Variants in ZNF451 observed in about 807,000 individuals in gnomAD.
ZNF451 encodes E3 SUMO-protein ligase ZNF451.
Under a neutral mutation model 107.1 loss-of-function variants are expected in ZNF451, and 80 were observed. The ratio of observed to expected loss-of-function variants is 0.75; its 90% confidence interval spans 0.62 to 0.90. The LOEUF (loss-of-function observed/expected upper bound fraction) is 0.90. Among genes scored for constraint, ZNF451 ranks in the 40% least tolerant of loss-of-function variants. The pLI is 0.00. For missense variants in ZNF451, 1,107 were observed against 1,236.2 expected (o/e 0.90, Z 1.57); for synonymous variants, 362 against 406.5 (o/e 0.89, Z 1.32).
At chr6:57,126,897 A>G (rs1830955531) in intron 4 of ZNF451, among the ~76,000 whole-genome samples, 1 of 152,216 alleles carries the variant, frequency 6.6e-6, no homozygotes, top group Non-Finnish European at 1.5e-5. Context: ...AGAGAACTTG[A>G]AAAAAAGATG....
At chr6:57,101,862 T>A (rs1251222981) in intron 3 of ZNF451, 6 of 1,550,462 alleles carry the variant, frequency 3.9e-6, no homozygotes, top group Non-Finnish European at 5.2e-6. Flanking sequence ...TTGATGGTAC[T>A]TCCCTTTTTG....
intron 2 of ZNF451, among the ~76,000 whole-genome samples, chr6:57,094,433 C>G (rs780411140): frequency 1.3e-5 from 2 of 152,112 alleles, no homozygotes; most frequent in Admixed American, 1.3e-4. Flanking sequence ...CCCAGCCTTC[C>G]GAGTAGCTGG....
rs575358123 is a variant in ZNF451 at position 57,123,108 on chromosome 6, C to T, written c.187-1626C>T. ...GCTTGAGCCTGGCAGGTCAGGGCTG[C>T]GGTGAGTCATGATTGTGTCACAGCA... is the stretch of plus-strand genomic sequence containing the variant. On this transcript the variant is annotated intron_variant, in intron 3 of 14. Coordinates refer to ENST00000370706, the MANE Select transcript of ZNF451 (RefSeq NM_001031623.3). Among the ~76,000 whole-genome samples the T allele has an allele frequency of 3.3e-5, 5 of 152,174 alleles. No individual in the cohort carries two copies. In the East Asian group the frequency reaches 5.8e-4, roughly 18 times the overall value.
chr6:57,114,287 T>C (rs1006651994), intron 3 of ZNF451, among the ~76,000 whole-genome samples: 3 of 152,218 alleles, frequency 2.0e-5, no homozygotes, highest in African/African-American at 7.2e-5. Flanking sequence ...GCATATATTT[T>C]TAAGTTTCAA....
At position 57,161,164 on chromosome 6, in the gene ZNF451, G is replaced by A; in HGVS notation, c.3139+12G>A. ...TATATCCACAGAAGGTAACCTAATA[G>A]AGTTAATCTCTTTTCTACTTGACTG... On this transcript the variant is annotated intron_variant, in intron 14 of 14. Coordinates refer to ENST00000370706, the MANE Select transcript of ZNF451 (RefSeq NM_001031623.3). 1 of 1,438,130 alleles carries A rather than the reference G, an allele frequency of 7.0e-7. No homozygotes were observed. The highest frequency in any genetic ancestry group is 1.5e-5 in the South Asian group (1 of 64,592). The allele number at this position is 1,438,130 out of a possible 1,614,324, so 89.1% of individuals were successfully genotyped here. A position where few individuals can be genotyped will look rare whatever the true frequency, so the allele number is the denominator to read the frequency against.
intron 5 of ZNF451, 117 bp downstream of exon 5, chr6:57,128,957 G>A (rs1164101223): frequency 1.5e-6 from 1 of 667,052 alleles, no homozygotes. Flanking sequence ...TTGTTTCAGT[G>A]ATACTAATAT....
intron 14 of ZNF451, among the ~76,000 whole-genome samples, chr6:57,166,358 C>A (rs1763897219): frequency 6.6e-6 from 1 of 152,058 alleles, no homozygotes; most frequent in Non-Finnish European, 1.5e-5. Context: ...TTTTTTTCTT[C>A]AGTAATCAGT....
At chr6:57,113,466 G>A (rs1022162689) in intron 3 of ZNF451, among the ~76,000 whole-genome samples, 2 of 151,870 alleles carry the variant, frequency 1.3e-5, no homozygotes, top group South Asian at 4.2e-4. Context: ...GTTAATATTT[G>A]CAAACATTTA....
chr6:57,141,936 T>C lies in ZNF451; in HGVS notation c.857-12T>C, dbSNP rs1468204976. On this transcript the variant is annotated splice_polypyrimidine_tract_variant and intron_variant, in intron 8 of 14. Coordinates refer to ENST00000370706, the MANE Select transcript of ZNF451 (RefSeq NM_001031623.3). The stretch of plus-strand genomic sequence containing the variant: ...AATAACTTTGCAAATTATAGTTTAT[T>C]TTGTCTTTCAGATAACAAAGGAATT... 2 of 1,610,260 alleles carry C rather than the reference T, an allele frequency of 1.2e-6. No individual in the cohort carries two copies. The highest frequency in any genetic ancestry group is 1.7e-6 in the Non-Finnish European group (2 of 1,177,538).
chr6:57,098,785 G>A (rs889715813), intron 2 of ZNF451, among the ~76,000 whole-genome samples: 1 of 152,142 alleles, frequency 6.6e-6, no homozygotes, highest in Admixed American at 6.5e-5. Context: ...TTGTAGCACT[G>A]TTCTTATATT....
At chr6:57,133,455 T>A (rs933188530) in intron 6 of ZNF451, among the ~76,000 whole-genome samples, 1 of 152,202 alleles carries the variant, frequency 6.6e-6, no homozygotes, top group Non-Finnish European at 1.5e-5. Flanking sequence ...CTAAACAGAC[T>A]TTCTCCATCA....
intron 5 of ZNF451, among the ~76,000 whole-genome samples, chr6:57,130,140 C>T (rs1189946051): frequency 6.6e-6 from 1 of 152,102 alleles, no homozygotes; most frequent in Non-Finnish European, 1.5e-5. Context: ...TAGAGATACT[C>T]AATAAATGTT....
At chr6:57,131,456 G>A (rs1831173824) in intron 5 of ZNF451, among the ~76,000 whole-genome samples, 1 of 152,066 alleles carries the variant, frequency 6.6e-6, no homozygotes, top group African/African-American at 2.4e-5. Context: ...TCTGGAATGT[G>A]GGTGGACAAT....
intron 9 of ZNF451, among the ~76,000 whole-genome samples, chr6:57,146,360 G>A (rs977056872): frequency 1.1e-4 from 16 of 152,036 alleles, no homozygotes; most frequent in Admixed American, 3.9e-4. Context: ...GCCATTGTCC[G>A]GAAGGGGTTT....
intron 3 of ZNF451, chr6:57,107,050 T>C: frequency 1.0e-6 from 1 of 974,630 alleles, no homozygotes; most frequent in Non-Finnish European, 1.2e-6. Context: ...TACTTGTTTT[T>C]TGTTATAATG....
At chr6:57,142,182 C>T (rs368914776) in intron 9 of ZNF451, 87 bp downstream of exon 9, 197 of 1,414,136 alleles carry the variant, frequency 1.4e-4, no homozygotes, top group African/African-American at 1.2e-3. Context: ...TTCCATGTTT[C>T]TCTCCTTTTA....
chr6:57,161,610 G>T (rs868250718), intron 14 of ZNF451, among the ~76,000 whole-genome samples: 2 of 151,628 alleles, frequency 1.3e-5, no homozygotes, highest in East Asian at 3.9e-4. Flanking sequence ...AGTATTAAAA[G>T]ACAGGCAGTA....
At chr6:57,126,878 A>C (rs918560102) in intron 4 of ZNF451, among the ~76,000 whole-genome samples, 1 of 152,226 alleles carries the variant, frequency 6.6e-6, no homozygotes, top group Non-Finnish European at 1.5e-5. Context: ...TTCTATTATA[A>C]GAAATGCCAG....
chr6:57,119,564 T>C (rs1051194493), intron 3 of ZNF451, among the ~76,000 whole-genome samples: 2 of 152,148 alleles, frequency 1.3e-5, no homozygotes, highest in East Asian at 1.9e-4. Context: ...TATTTTTCTT[T>C]TCTTAAAATA....
Sources: allele counts gnomAD v4.1 joint callset (sites outside exome capture counted in the v4.1 genomes callset), GRCh38; gene constraint gnomAD v4.1.1; transcripts MANE v1.5; gene names NCBI Gene and HGNC (gene_info 2026-07-23, HGNC 2026-07-21).